Variants in ERMARD observed in about 807,000 individuals in gnomAD.
The protein encoded by ERMARD is ER membrane associated RNA degradation, also known as endoplasmic reticulum membrane-associated RNA degradation protein.
Under a neutral mutation model 83.9 loss-of-function variants are expected in ERMARD, and 71 were observed. The observed-to-expected ratio is 0.85, with a 90% CI of 0.70 to 1.03. The LOEUF (loss-of-function observed/expected upper bound fraction) is 1.03. Ranked by LOEUF, ERMARD falls within the 50% of genes least tolerant of loss-of-function variation. The pLI is 0.00. For missense variants in ERMARD, 838 were observed against 810.9 expected (o/e 1.03, Z -0.41); for synonymous variants, 284 against 298.6 (o/e 0.95, Z 0.50).
chr6:169,768,200 A>G, intron 11 of ERMARD, 29 bp downstream of exon 11: 2 of 1,592,090 alleles, frequency 1.3e-6, no homozygotes, highest in Non-Finnish European at 1.7e-6. Flanking sequence ...CCAGGCTAAT[A>G]TTCTTGTATT....
intron 1 of ERMARD, among the ~76,000 whole-genome samples, chr6:169,752,455 C>T (rs1790247966): frequency 6.6e-6 from 1 of 152,082 alleles, no homozygotes; most frequent in East Asian, 1.9e-4. Flanking sequence ...GAGTTCCAGC[C>T]CCATAGAGCC....
intron 1 of ERMARD, 34 bp downstream of exon 1, chr6:169,751,697 G>A (rs1585328729): frequency 6.5e-7 from 1 of 1,539,088 alleles, no homozygotes; most frequent in Non-Finnish European, 8.8e-7. Flanking sequence ...TCGATCCCGA[G>A]CTAGGCAGGG....
intron 9 of ERMARD, among the ~76,000 whole-genome samples, chr6:169,764,806 G>C (rs1470239660): frequency 1.3e-5 from 2 of 152,106 alleles, no homozygotes; most frequent in Admixed American, 6.6e-5. Context: ...CTCTTACTTT[G>C]TTCCTCACCC....
intron 3 of ERMARD, 156 bp downstream of exon 3, chr6:169,755,578 G>A (rs1261489434): frequency 1.2e-6 from 1 of 845,620 alleles, no homozygotes; most frequent in African/African-American, 1.7e-5. Context: ...ATTATGCAGG[G>A]TCTCCAAAGC....
chr6:169,753,243 G>A (rs1170780685), intron 1 of ERMARD: 1 of 154,352 alleles, frequency 6.5e-6, no homozygotes, highest in Non-Finnish European at 1.5e-5. Context: ...AAGAGGGGGA[G>A]GATAGAGAGA....
At position 169,760,773 on chromosome 6, in the gene ERMARD, T is replaced by A; in HGVS notation, c.857+17T>A. On this transcript the variant is annotated intron_variant, in intron 8 of 17. Transcript: ENST00000366773. ...GTCACACAGGTAACTAAAGGGTACA[T>A]GGCAGAGTGGTTTGCAGTGGTTGGA... 1 of 1,566,608 alleles carries A rather than the reference T, an allele frequency of 6.4e-7. No homozygotes were observed. Among genetic ancestry groups the A allele is most frequent in the Non-Finnish European group, 8.8e-7 (1 of 1,140,306 alleles).
rs1422400054 is a variant in ERMARD, at chr6:169,760,596, C to G, written c.743-46C>G. ...CCCCCAGCATGTTTCCATCTTTTTT[C>G]AGTTGATCAGTATGATTGTGTTTAA... On this transcript the variant is annotated intron_variant, in intron 7 of 17. Coordinates refer to ENST00000366773, the MANE Select transcript of ERMARD (RefSeq NM_018341.3). 2.2e-6 allele frequency: 3 copies of G among 1,354,574 alleles called. No individual in the cohort carries two copies. The East Asian group carries it at 7.1e-5, about 32-fold the overall frequency. The allele number at this position is 1,354,574 out of a possible 1,614,324, so 83.9% of individuals were successfully genotyped here. A position where few individuals can be genotyped will look rare whatever the true frequency, so the allele number is the denominator to read the frequency against.
At chr6:169,751,577 G>C (rs746387527), upstream of ERMARD, 9 of 1,605,518 alleles carry the variant, frequency 5.6e-6, no homozygotes, top group Middle Eastern at 1.2e-3. Flanking sequence ...GGAAGTGCCC[G>C]CCAGGGCTCC....
At position 169,756,713 on chromosome 6, in the gene ERMARD, T is replaced by G; in HGVS notation, c.418-6T>G. The G allele has an allele frequency of 6.2e-7, 1 of 1,612,354 alleles. No individual in the cohort carries two copies. The highest frequency in any genetic ancestry group is 1.1e-5 in the South Asian group (1 of 91,014). ...AACTGTTACACAATTTTTGTTTGAA[T>G]TTTAGGTATTTTTACTGATTGGGAA... On this transcript the variant is annotated splice_polypyrimidine_tract_variant and splice_region_variant and intron_variant, in intron 4 of 17. Transcript: ENST00000366773.
upstream of ERMARD, chr6:169,751,380 G>A (rs1264290279): frequency 1.2e-6 from 2 of 1,614,110 alleles, no homozygotes; most frequent in South Asian, 1.1e-5. Context: ...TCTTTCCTAG[G>A]CGTCACCGGA....
intron 5 of ERMARD, among the ~76,000 whole-genome samples, chr6:169,757,055 T>C (rs1790905451): frequency 6.6e-6 from 1 of 152,164 alleles, no homozygotes; most frequent in African/African-American, 2.4e-5. Context: ...ACTTATTCAC[T>C]ATCATGAGAA....
At position 169,758,989 on chromosome 6, in the gene ERMARD, G is replaced by T. The variant is rs1131691797; in HGVS notation, c.529G>T (p.Val177Phe). 1 of 1,613,846 alleles carries T rather than the reference G, an allele frequency of 6.2e-7. No individual in the cohort carries two copies. Among genetic ancestry groups the T allele is most frequent in the Non-Finnish European group, 8.5e-7 (1 of 1,179,914 alleles). ...QSVMNVLKVFVGSPCGLNLRN... is the reference protein window; with the variant it reads ...QSVMNVLKVFFGSPCGLNLRN... ...TTAGATGAATGTGCTAAAAGTCTTC[G>T]TTGGCTCTCCGTGTGGTCTCAACCT... The change falls in exon 6 of 18, where the codon GTT becomes TTT. Residue 177 changes from valine (V) to phenylalanine (F), a missense_variant. Coordinates refer to ENST00000366773, the MANE Select transcript of ERMARD (RefSeq NM_018341.3).
In ERMARD at chr6:169,762,505, T is replaced by C; in HGVS notation, c.934T>C (p.Cys312Arg). The C allele has an allele frequency of 6.2e-7, 1 of 1,614,176 alleles. No individual in the cohort carries two copies. The highest frequency in any genetic ancestry group is 1.1e-5 in the South Asian group (1 of 91,064). The change falls in exon 9 of 18, where the codon TGT (cysteine) becomes CGT (arginine). Residue 312 changes from cysteine (C) to arginine (R), a missense_variant. Transcript: ENST00000366773. ...LRNVFATLNR[C>R]PKRLLTAEST... is the part of the protein sequence containing the mutation. ...GAATGTTTTTGCCACACTTAACAGA[T>C]GTCCAAAAAGACTCCTGACTGCTGA...
At chr6:169,757,916 C>T (rs1585350903) in intron 5 of ERMARD, among the ~76,000 whole-genome samples, 2 of 152,360 alleles carry the variant, frequency 1.3e-5, no homozygotes, top group Admixed American at 1.3e-4. Context: ...TTGGTACTTG[C>T]TTATATGTGA....
intron 1 of ERMARD, among the ~76,000 whole-genome samples, chr6:169,752,566 C>A (rs1790263782): frequency 6.6e-6 from 1 of 152,110 alleles, no homozygotes; most frequent in South Asian, 2.1e-4. Flanking sequence ...TGTTCGAAAA[C>A]CAGGGCTGAG....
In ERMARD at chr6:169,759,077, G is replaced by A; in HGVS notation, c.605+12G>A. On this transcript the variant is annotated intron_variant, in intron 6 of 17. Coordinates refer to ENST00000366773, the MANE Select transcript of ERMARD (RefSeq NM_018341.3). ...GAAATTCCTCCAAAGTAAGTTGCAA[G>A]TGAAGACATTTTCTTCCTTTTTTGG... The A allele has an allele frequency of 6.2e-7, 1 of 1,606,848 alleles. No homozygotes were observed. The highest frequency in any genetic ancestry group is 8.5e-7 in the Non-Finnish European group (1 of 1,175,570).
chr6:169,756,568 A>G lies in ERMARD; in HGVS notation c.417+129A>G, dbSNP rs545128997. On this transcript the variant is annotated intron_variant, in intron 4 of 17. Transcript: ENST00000366773. ...TAAAATCATTTAGTATGAATTTTTAATATTTCCCTTTTGAATGATTATGAA... is the reference window on the plus strand; with the variant it reads ...TAAAATCATTTAGTATGAATTTTTAGTATTTCCCTTTTGAATGATTATGAA... 50 of 966,274 alleles carry G rather than the reference A, an allele frequency of 5.2e-5. No individual in the cohort carries two copies. In the South Asian group the frequency reaches 7.7e-4, roughly 15 times the overall value. 59.9% of individuals were successfully genotyped at this position (966,274 alleles called of 1,614,324 possible).
upstream of ERMARD, chr6:169,751,443 G>T (rs780639416): frequency 6.2e-7 from 1 of 1,613,998 alleles, no homozygotes; most frequent in South Asian, 1.1e-5. Context: ...TTCACGCCTC[G>T]GCCTCGCTTC....
intron 12 of ERMARD, chr6:169,773,012 T>C (rs935446865): frequency 3.3e-6 from 1 of 304,702 alleles, no homozygotes; most frequent in African/African-American, 2.1e-5. Flanking sequence ...TAAGTAACTA[T>C]TTCCTAGTTA....
Sources: gnomAD v4.1 joint callset for allele counts (sites outside exome capture counted in the v4.1 genomes callset) on GRCh38, gnomAD v4.1.1 for gene constraint, MANE v1.5 for transcripts, NCBI Gene and HGNC (gene_info 2026-07-23, HGNC 2026-07-21) for gene names.